GDAP1: variants seen among roughly 807,000 people sequenced by gnomAD.
GDAP1 encodes ganglioside induced differentiation associated protein 1.
A neutral mutation model predicts 40.1 loss-of-function variants in GDAP1; 34 were observed. That is an observed-to-expected ratio of 0.85 (90% CI 0.64 to 1.13). The LOEUF is 1.13. GDAP1 is among the 50% of genes most tolerant of loss of function. The probability of loss-of-function intolerance (pLI) is 0.00; values close to 1 mark genes in which losing one functional copy is unlikely to be tolerated. For missense variants in GDAP1, 374 were observed against 433.7 expected, an observed-to-expected ratio of 0.86 and a Z score of 1.22; for synonymous variants, 170 against 157.4, an observed-to-expected ratio of 1.08 and a Z score of -0.60.
intron 2 of GDAP1, among the ~76,000 whole-genome samples, chr8:74,472,299 A>G (rs891766044): frequency 3.9e-5 from 6 of 152,218 alleles, no homozygotes; most frequent in Non-Finnish European, 7.3e-5. Flanking sequence ...AGTATTCCAT[A>G]GTGTACATGT....
chr8:74,454,950 C>T (rs568542739), intron 2 of GDAP1, among the ~76,000 whole-genome samples: 23 of 151,994 alleles, frequency 1.5e-4, no homozygotes, highest in East Asian at 1.4e-3. Flanking sequence ...TCCTTGTCTA[C>T]GGGATTGGGG....
intron 2 of GDAP1, among the ~76,000 whole-genome samples, chr8:74,358,259 A>G (rs4410896): frequency 0.51 from 77,638 of 152,092 alleles, 19,991 homozygotes; most frequent in African/African-American, 0.59. Context: ...TCCTGCTCTC[A>G]TTCACTTTCC....
chr8:74,406,780 G>A (rs1485436119), intron 2 of GDAP1, among the ~76,000 whole-genome samples: 1 of 149,612 alleles, frequency 6.7e-6, no homozygotes, highest in Non-Finnish European at 1.5e-5. Context: ...AGTGGATTGC[G>A]GCTTTTGACA....
intron 2 of GDAP1, among the ~76,000 whole-genome samples, chr8:74,372,131 A>G (rs370637512): frequency 1.3e-5 from 2 of 152,064 alleles, no homozygotes; most frequent in Non-Finnish European, 2.9e-5. Flanking sequence ...GTATTCCATG[A>G]TGTATATATG....
intron 2 of GDAP1, among the ~76,000 whole-genome samples, chr8:74,384,666 T>C (rs1208843400): frequency 6.6e-6 from 1 of 152,202 alleles, no homozygotes; most frequent in Non-Finnish European, 1.5e-5. Flanking sequence ...GAAGATTTCA[T>C]TTGGTTTCAG....
At chr8:74,385,448 G>A (rs1264923907) in intron 2 of GDAP1, among the ~76,000 whole-genome samples, 1 of 152,090 alleles carries the variant, frequency 6.6e-6, no homozygotes, top group African/African-American at 2.4e-5. Flanking sequence ...CTGCTCCTGT[G>A]TTAGTTTGCT....
At chr8:74,470,959 G>A (rs936086019) in intron 2 of GDAP1, among the ~76,000 whole-genome samples, 2 of 152,162 alleles carry the variant, frequency 1.3e-5, no homozygotes, top group Non-Finnish European at 2.9e-5. Context: ...GGTGTGAGAT[G>A]GTATCTCATT....
chr8:74,399,716 T>A (rs1440591598), intron 2 of GDAP1, among the ~76,000 whole-genome samples: 1 of 123,612 alleles, frequency 8.1e-6, no homozygotes, highest in African/African-American at 4.0e-5. Flanking sequence ...TACACACTGC[T>A]TTGAATGCGT....
rs1032278249 is a variant in GDAP1, at chr8:74,412,053, A to T, written c.165+60732A>T. Among the ~76,000 whole-genome samples, 42 of 149,986 alleles carry T rather than the reference A, an allele frequency of 2.8e-4. 7 individuals carry two copies. Among genetic ancestry groups the T allele is most frequent in the African/African-American group, 9.9e-4 (39 of 39,312 alleles). On this transcript the variant is annotated intron_variant, in intron 2 of 2. Transcript: ENST00000523640. Reference sequence around the variant, plus strand: ...TTTTATTTTGAAAATGTCTTTAAAAATTTGAGATAAAAGTTGGGACATTTT... The same window carrying T: ...TTTTATTTTGAAAATGTCTTTAAAATTTTGAGATAAAAGTTGGGACATTTT...
downstream of GDAP1, among the ~76,000 whole-genome samples, chr8:74,370,994 ATGTT>A (rs1208804514): frequency 1.3e-5 from 2 of 152,228 alleles, no homozygotes; most frequent in East Asian, 3.8e-4. Flanking sequence ...CCAATGGAAA[ATGTT>A]AGTTGGAGAT....
rs114632174 is a variant in GDAP1 at position 74,449,602 on chromosome 8, G to T, written c.166-39076G>T. 4.8e-3 allele frequency among the ~76,000 whole-genome samples: 735 copies of T among 151,810 alleles called. 3 individuals carry two copies. The highest frequency in any genetic ancestry group is 0.017 in the African/African-American group (708 of 41,488). Reference sequence around the variant, plus strand: ...TATGTTATTAAATTTTGTTATAAATGTAATTGCTCACAAATTTTATTTTTC... The same window carrying T: ...TATGTTATTAAATTTTGTTATAAATTTAATTGCTCACAAATTTTATTTTTC... On this transcript the variant is annotated intron_variant, in intron 2 of 2. Transcript: ENST00000523640.
intron 2 of GDAP1, among the ~76,000 whole-genome samples, chr8:74,372,515 G>T (rs1280720519): frequency 6.6e-6 from 1 of 152,144 alleles, no homozygotes; most frequent in Admixed American, 6.5e-5. Flanking sequence ...TTCTCTAATG[G>T]CCAGTGATGA....
At chr8:74,362,018 G>C in intron 4 of GDAP1, 40 bp downstream of exon 4, 3 of 995,724 alleles carry the variant, frequency 3.0e-6, no homozygotes, top group Middle Eastern at 2.0e-4. Context: ...TACACTGCAC[G>C]GAGTAAATGT....
chr8:74,485,216 A>C (rs1233596499), intron 2 of GDAP1, among the ~76,000 whole-genome samples: 1 of 152,190 alleles, frequency 6.6e-6, no homozygotes, highest in Admixed American at 6.6e-5. Context: ...ACGATTATGA[A>C]ATCAAAAAGT....
intron 2 of GDAP1, among the ~76,000 whole-genome samples, chr8:74,382,416 G>T (rs1809968984): frequency 1.4e-5 from 2 of 141,348 alleles, no homozygotes; most frequent in African/African-American, 2.7e-5. Context: ...GCTAGAACTT[G>T]GTATGTTCTA....
intron 2 of GDAP1, among the ~76,000 whole-genome samples, chr8:74,411,688 C>G (rs1202386892): frequency 6.9e-6 from 1 of 145,630 alleles, no homozygotes; most frequent in Non-Finnish European, 1.5e-5. Context: ...TTGAAACCAG[C>G]CTGGGTAACA....
intron 2 of GDAP1, among the ~76,000 whole-genome samples, chr8:74,372,253 G>A (rs1809767248): frequency 6.6e-6 from 1 of 152,174 alleles, no homozygotes; most frequent in Non-Finnish European, 1.5e-5. Flanking sequence ...CTTTATAGCA[G>A]CATGATTTAT....
chr8:74,398,162 GT>G, intron 2 of GDAP1, among the ~76,000 whole-genome samples: 1 of 152,018 alleles, frequency 6.6e-6, no homozygotes, highest in Non-Finnish European at 1.5e-5. Flanking sequence ...CTGTTTGTCT[GT>G]TATTGGTGTA....
downstream of GDAP1, among the ~76,000 whole-genome samples, chr8:74,371,809 A>G (rs1586812274): frequency 6.6e-6 from 1 of 151,982 alleles, no homozygotes; most frequent in East Asian, 1.9e-4. Context: ...GTTCTAGGGT[A>G]CATGTGCACA....
Sources: allele counts gnomAD v4.1 joint callset (sites outside exome capture counted in the v4.1 genomes callset), GRCh38; gene constraint gnomAD v4.1.1; transcripts MANE v1.5; gene names NCBI Gene and HGNC (gene_info 2026-07-23, HGNC 2026-07-21).